The following CIT variants were observed in gnomAD, a reference collection of about 807,000 sequenced individuals.
CIT encodes citron rho-interacting serine/threonine kinase, also known as citron Rho-interacting kinase.
Under a neutral mutation model 272.7 loss-of-function variants are expected in CIT, and 79 were observed. The ratio of observed to expected loss-of-function variants is 0.29; its 90% CI spans 0.24 to 0.35. The LOEUF is 0.35. Ranked by LOEUF, CIT falls within the 10% of genes least tolerant of loss-of-function variation. CIT has a pLI of 1.00. For synonymous variants in CIT, 948 were observed against 995.6 expected (o/e 0.95, Z 0.90); for missense variants, 1,909 against 2,618.3 (o/e 0.73, Z 5.91).
At chr12:119,740,431 AAAT>A (rs751733471) in intron 24 of CIT, among the ~76,000 whole-genome samples, 19 of 152,338 alleles carry the variant, frequency 1.2e-4, no homozygotes, top group Non-Finnish European at 2.1e-4. Context: ...TTATTATCCA[AAAT>A]AATAACAAAA....
chr12:119,846,413 C>T, intron 5 of CIT, among the ~76,000 whole-genome samples: 1 of 152,174 alleles, frequency 6.6e-6, no homozygotes, highest in East Asian at 1.9e-4. Context: ...AGAAGGGGAG[C>T]TCTTCAGCTC....
chr12:119,853,836 C>A (rs191802500), intron 4 of CIT, among the ~76,000 whole-genome samples: 4 of 151,992 alleles, frequency 2.6e-5, no homozygotes, highest in African/African-American at 9.6e-5. Context: ...CGTCTGACCC[C>A]TGAAGCTTCC....
Position 119,834,086 on chromosome 12 carries a change from C to T in CIT, c.659G>A (p.Arg220Gln), listed in dbSNP as rs1372920705. Residue 220 changes from arginine to glutamine, a missense_variant and splice_region_variant, in exon 6 of 48, where the codon CGA becomes CAA. Arg to Gln is a conservative substitution (Grantham distance 43, BLOSUM62 1). Around this residue, in one of 8 missense-constraint regions of CIT, gnomAD observed 529 missense variants for 549.6 expected, o/e 0.96. Coordinates refer to ENST00000392521, the MANE Select transcript of CIT (RefSeq NM_001206999.2). ...HSVHLMGYVHRDIKPENILVD... is the reference protein window; with the variant it reads ...HSVHLMGYVHQDIKPENILVD... ...AAAATGCTACCAGAGTCTCACTTAC[C>T]GATGCACGTATCCCATCAGATGAAC... 1.2e-6 allele frequency: 2 copies of T among 1,605,944 alleles called. No homozygotes were observed. The highest frequency in any genetic ancestry group is 1.7e-5 in the Admixed American group (1 of 57,438).
intron 10 of CIT, among the ~76,000 whole-genome samples, chr12:119,792,776 G>A (rs1451537902): frequency 1.3e-5 from 2 of 152,084 alleles, no homozygotes; most frequent in Non-Finnish European, 2.9e-5. Context: ...TCTGGCCTCT[G>A]AACTAATTTT....
chr12:119,784,577 C>T lies in CIT; in HGVS notation c.1401+383G>A, dbSNP rs1964596248. 8.5e-7 allele frequency: 1 copy of T among 1,170,534 alleles called. No homozygotes were observed. The highest frequency in any genetic ancestry group is 1.1e-6 in the Non-Finnish European group (1 of 939,942). 72.5% of individuals were successfully genotyped at this position (1,170,534 alleles called of 1,614,324 possible). Reference sequence around the variant, plus strand: ...ACGTTGAGCGTAATCAACACAGTGGCCGCAGTGACATAAGCAGGAGTTTTA... The same window carrying T: ...ACGTTGAGCGTAATCAACACAGTGGTCGCAGTGACATAAGCAGGAGTTTTA... On this transcript the variant is annotated intron_variant, in intron 11 of 47. Coordinates refer to ENST00000392521, the MANE Select transcript of CIT (RefSeq NM_001206999.2). The surrounding 1 kb of genome is among the most constrained non-coding windows in gnomAD (Gnocchi z 4.7).
chr12:119,791,963 G>A (rs748301255), intron 10 of CIT, among the ~76,000 whole-genome samples: 3 of 152,104 alleles, frequency 2.0e-5, no homozygotes, highest in Non-Finnish European at 4.4e-5. Context: ...ACATTTCAGT[G>A]AAAATTATAA....
At chr12:119,734,065 T>A in intron 26 of CIT, 99 bp downstream of exon 26, 2 of 1,333,128 alleles carry the variant, frequency 1.5e-6, no homozygotes, top group Non-Finnish European at 2.1e-6. Flanking sequence ...AGGAAACTTC[T>A]CAGTCTCGGC....
intron 13 of CIT, among the ~76,000 whole-genome samples, chr12:119,781,147 A>T (rs1342995956): frequency 6.6e-6 from 1 of 152,250 alleles, no homozygotes; most frequent in Non-Finnish European, 1.5e-5. Flanking sequence ...TAAAAGGAGC[A>T]TGAGTCAACT....
intron 44 of CIT, among the ~76,000 whole-genome samples, chr12:119,700,195 G>C (rs1956477306): frequency 6.6e-6 from 1 of 152,240 alleles, no homozygotes; most frequent in Non-Finnish European, 1.5e-5. Flanking sequence ...TGAGAGCCTA[G>C]CAAATATTTC....
At chr12:119,828,614 G>A (rs1241214210) in intron 7 of CIT, among the ~76,000 whole-genome samples, 1 of 151,702 alleles carries the variant, frequency 6.6e-6, no homozygotes, top group South Asian at 2.1e-4. Flanking sequence ...CCAGGCTAGA[G>A]TGCAGTGGCG....
chr12:119,786,827 G>A lies in CIT; in HGVS notation c.1296-1762C>T, dbSNP rs899628823. Reference sequence around the variant, plus strand: ...TCAACGCCCAGCATCATGCTCCTCTGTTCAAAATCTCAGGCTGGGCACAGT... The same window carrying A: ...TCAACGCCCAGCATCATGCTCCTCTATTCAAAATCTCAGGCTGGGCACAGT... On this transcript the variant is annotated intron_variant, in intron 10 of 47. Transcript: ENST00000392521. Among the ~76,000 whole-genome samples, 7 of 152,224 alleles carry A rather than the reference G, an allele frequency of 4.6e-5. No homozygotes were observed. The South Asian group carries it at 1.0e-3, about 23-fold the overall frequency.
intron 9 of CIT, among the ~76,000 whole-genome samples, chr12:119,815,105 A>C (rs1967040829): frequency 7.0e-6 from 1 of 143,100 alleles, no homozygotes; most frequent in South Asian, 2.2e-4. Context: ...ACACACACAC[A>C]ACACACACAC....
chr12:119,705,846 T>A (rs935337940), intron 40 of CIT, among the ~76,000 whole-genome samples: 1 of 150,036 alleles, frequency 6.7e-6, no homozygotes, highest in Non-Finnish European at 1.5e-5. Flanking sequence ...TCCCAGCACT[T>A]TGGGAGGCCA....
intron 4 of CIT, among the ~76,000 whole-genome samples, chr12:119,852,268 A>G (rs1970267921): frequency 6.6e-6 from 1 of 152,198 alleles, no homozygotes; most frequent in Non-Finnish European, 1.5e-5. Context: ...ACAAATTCAA[A>G]TTTTACAAAA....
chr12:119,738,940 C>T (rs898826357), intron 24 of CIT, among the ~76,000 whole-genome samples: 1 of 151,300 alleles, frequency 6.6e-6, no homozygotes, highest in African/African-American at 2.4e-5. Context: ...AAAAACAGCT[C>T]TGTTTGGGCT....
chr12:119,857,641 AC>A lies in CIT; in HGVS notation c.295del (p.Val99SerfsTer5). The A allele has an allele frequency of 6.2e-7, 1 of 1,614,204 alleles. No individual in the cohort carries two copies. The highest frequency in any genetic ancestry group is 8.5e-7 in the Non-Finnish European group (1 of 1,180,044). ...ELQPSAKDFE[V>X]RSLVGCGHFA... ...GTGACCACAACCTACAAGACTTCTG[AC>A]TTCGAAGTCCTTTGCCGAAGGCTGG... is the stretch of plus-strand genomic sequence containing the variant. On this transcript the variant is annotated frameshift_variant, in exon 4 of 48. Transcript: ENST00000392521. LOFTEE classifies it high-confidence loss of function.
At chr12:119,741,794 T>A (rs1959071207) in intron 24 of CIT, among the ~76,000 whole-genome samples, 2 of 152,190 alleles carry the variant, frequency 1.3e-5, no homozygotes. Context: ...TCATCAAAAA[T>A]AGACTGAATT....
In CIT at chr12:119,823,180, G is replaced by A. The variant is rs1295318067; in HGVS notation, c.958-207C>T. On this transcript the variant is annotated intron_variant, in intron 8 of 47. Transcript: ENST00000392521. ...ATCAATAGGCTTAGTTCCTTTGTAG[G>A]GGTTCAGCGTCCTCCATGGCTTGAC... Among the ~76,000 whole-genome samples, 5 of 151,964 alleles carry A rather than the reference G, an allele frequency of 3.3e-5. No individual in the cohort carries two copies. The East Asian group carries it at 7.7e-4, about 23-fold the overall frequency.
intron 46 of CIT, among the ~76,000 whole-genome samples, chr12:119,696,107 C>T (rs1956209996): frequency 6.6e-6 from 1 of 152,080 alleles, no homozygotes; most frequent in Non-Finnish European, 1.5e-5. Flanking sequence ...TGGTTCCTTC[C>T]CAGGTGGGGA....
Sources: allele counts gnomAD v4.1 joint callset (sites outside exome capture counted in the v4.1 genomes callset), GRCh38; gene constraint gnomAD v4.1.1; regional missense constraint gnomAD v4.1.1; non-coding constraint Gnocchi (gnomAD v3.1); transcripts MANE v1.5; gene names NCBI Gene and HGNC (gene_info 2026-07-23, HGNC 2026-07-21).